Variants in CPT1C observed in about 807,000 individuals in gnomAD.
CPT1C encodes palmitoyl thioesterase CPT1C.
A neutral mutation model predicts 97.3 loss-of-function variants in CPT1C; 61 were observed. The ratio of observed to expected loss-of-function variants is 0.63; its 90% CI spans 0.51 to 0.78. The LOEUF (loss-of-function observed/expected upper bound fraction) is 0.78. CPT1C is among the 30% of genes least tolerant of loss of function. CPT1C has a pLI of 0.00. For missense variants in CPT1C, 975 were observed against 1,065.5 expected (o/e 0.92, Z 1.18); for synonymous variants, 469 against 447.2 (o/e 1.05, Z -0.61).
intron 4 of CPT1C, 106 bp from the exon 5 acceptor site, chr19:49,700,578 T>G: frequency 7.8e-7 from 1 of 1,283,922 alleles, no homozygotes; most frequent in Non-Finnish European, 1.1e-6. Flanking sequence ...AATGGGTTTC[T>G]CTGTCTGACA....
Position 49,712,984 on chromosome 19 carries a change from G to A in CPT1C, c.2146G>A (p.Gly716Ser). ...GGGFGPADDH[G>S]YGVSYIFMGD... is the part of the protein sequence containing the mutation. ...TTTCCGTCTCCAGGCTGATGACCATGGTTATGGTGTTTCTTATATCTTCAT... is the reference window on the plus strand; with the variant it reads ...TTTCCGTCTCCAGGCTGATGACCATAGTTATGGTGTTTCTTATATCTTCAT... Residue 716 changes from glycine to serine, a missense_variant, in exon 19 of 20, where the codon GGT becomes AGT. Gly to Ser is a moderately conservative substitution (Grantham distance 56). Coordinates refer to ENST00000598293, the MANE Select transcript of CPT1C (RefSeq NM_001199753.2). The A allele has an allele frequency of 6.2e-7, 1 of 1,613,760 alleles. No individual in the cohort carries two copies. The highest frequency in any genetic ancestry group is 8.5e-7 in the Non-Finnish European group (1 of 1,179,724).
At chr19:49,695,215 G>C (rs976577109) in intron 3 of CPT1C, among the ~76,000 whole-genome samples, 8 of 150,814 alleles carry the variant, frequency 5.3e-5, no homozygotes, top group South Asian at 2.1e-4. Context: ...CATATTTATA[G>C]ACCTATAAAT....
chr19:49,710,995 C>T (rs2083838728), intron 16 of CPT1C, 138 bp downstream of exon 16: 1 of 818,394 alleles, frequency 1.2e-6, no homozygotes, highest in African/African-American at 1.7e-5. Flanking sequence ...TGGCCTCTGA[C>T]TTCAAAGAGC....
Position 49,706,127 on chromosome 19 carries a change from C to A in CPT1C, c.1160+23C>A. On this transcript the variant is annotated intron_variant, in intron 11 of 19. Transcript: ENST00000598293. The surrounding 1 kb of genome is among the most constrained non-coding windows in gnomAD (Gnocchi z 4.8). ...CAGGTAAGGGTCAGGGGTCAGGGGTCAGGGGCTCTCAGAGGCCGCCAGTGT... is the reference window on the plus strand; with the variant it reads ...CAGGTAAGGGTCAGGGGTCAGGGGTAAGGGGCTCTCAGAGGCCGCCAGTGT... 3.1e-6 allele frequency: 5 copies of A among 1,597,074 alleles called. No homozygotes were observed. Among genetic ancestry groups the A allele is most frequent in the Non-Finnish European group, 3.4e-6 (4 of 1,170,250 alleles).
chr19:49,693,170 G>T (rs576932355), intron 3 of CPT1C, among the ~76,000 whole-genome samples: 1 of 152,104 alleles, frequency 6.6e-6, no homozygotes, highest in African/African-American at 2.4e-5. Flanking sequence ...GAGCCACCGC[G>T]CCCGGCCCAA....
chr19:49,707,393 C>A, intron 12 of CPT1C, 125 bp from the exon 13 acceptor site: 1 of 700,926 alleles, frequency 1.4e-6, no homozygotes, highest in Non-Finnish European at 2.5e-6. Context: ...TAGAGATCCC[C>A]ATACCAGCAC....
chr19:49,703,595 C>CCCTTCCTTCCTT (rs1217261016), intron 7 of CPT1C, among the ~76,000 whole-genome samples: 36 of 75,818 alleles, frequency 4.7e-4, no homozygotes, highest in Admixed American at 2.9e-3. Flanking sequence ...CTCCCTCCCT[C>CCCTTCCTTCCTT]CCTTCCTTCC....
Position 49,702,085 on chromosome 19 carries a change from A to T in CPT1C, c.693+451A>T, listed in dbSNP as rs867261006. 3.4e-4 allele frequency among the ~76,000 whole-genome samples: 33 copies of T among 97,988 alleles called. 1 individual carries two copies. The highest frequency in any genetic ancestry group is 5.6e-4 in the Non-Finnish European group (33 of 58,944). 64.3% of individuals were successfully genotyped at this position (97,988 alleles called of 152,430 possible). On this transcript the variant is annotated intron_variant, in intron 7 of 19. Transcript: ENST00000598293. The stretch of plus-strand genomic sequence containing the variant: ...ATATTTATTTATAAATTATAAATAT[A>T]TATTTATTTATAAATTATAAATATA...
intron 17 of CPT1C, 189 bp from the exon 18 acceptor site, chr19:49,712,547 T>G (rs2123521400): frequency 1.9e-6 from 1 of 527,538 alleles, no homozygotes; most frequent in Non-Finnish European, 3.2e-6. Context: ...GAGAGGGACG[T>G]GGGTGTGGGT....
intron 5 of CPT1C, 37 bp downstream of exon 5, chr19:49,700,892 G>A (rs1411218653): frequency 6.3e-7 from 1 of 1,588,598 alleles, no homozygotes; most frequent in Admixed American, 1.7e-5. Flanking sequence ...GGCTCTCCTG[G>A]GACCCGCTTA....
rs774808951 is a variant in CPT1C, at chr19:49,692,363, C to A, written c.111C>A (p.Arg37=). ...AGGAGATCTACCTCTCTGGCCTGCG[C>A]TCCTGGAAAAGGCATCTCTCACGTT... ...VLQEIYLSGL[R]SWKRHLSRFW... The change falls in exon 3 of 20, where the codon CGC becomes CGA. Residue 37 remains arginine, a synonymous_variant. Coordinates refer to ENST00000598293, the MANE Select transcript of CPT1C (RefSeq NM_001199753.2). The A allele has an allele frequency of 1.2e-6, 2 of 1,614,024 alleles. No homozygotes were observed. Among genetic ancestry groups the A allele is most frequent in the East Asian group, 2.2e-5 (1 of 44,892 alleles).
chr19:49,709,686 C>G (rs1280804332), intron 14 of CPT1C, among the ~76,000 whole-genome samples: 2 of 151,660 alleles, frequency 1.3e-5, no homozygotes, highest in Non-Finnish European at 2.9e-5. Context: ...TCCTGAGGAG[C>G]TGGGATTACA....
intron 16 of CPT1C, 168 bp from the exon 17 acceptor site, chr19:49,711,641 C>T: frequency 2.8e-6 from 2 of 726,832 alleles, no homozygotes; most frequent in Non-Finnish European, 4.4e-6. Flanking sequence ...GTGAACCTGG[C>T]CAAATGATTT....
At chr19:49,712,108 C>T (rs909511834) in intron 17 of CPT1C, 147 bp downstream of exon 17, 18 of 968,514 alleles carry the variant, frequency 1.9e-5, no homozygotes, top group Middle Eastern at 2.5e-4. Context: ...TTTGGGAAGC[C>T]GAGGCAGGCG....
intron 19 of CPT1C, 79 bp downstream of exon 19, chr19:49,713,143 A>C: frequency 7.7e-7 from 1 of 1,290,746 alleles, no homozygotes; most frequent in Non-Finnish European, 1.1e-6. Context: ...CTCCTCCCTC[A>C]GACCCAGGAT....
chr19:49,699,645 C>T (rs1448933132), intron 4 of CPT1C, among the ~76,000 whole-genome samples: 1 of 151,948 alleles, frequency 6.6e-6, no homozygotes, highest in African/African-American at 2.4e-5. Flanking sequence ...TTGGAATCAC[C>T]TGGATGGGTT....
At chr19:49,702,894 A>T (rs2083263443) in intron 7 of CPT1C, among the ~76,000 whole-genome samples, 1 of 151,998 alleles carries the variant, frequency 6.6e-6, no homozygotes, top group Non-Finnish European at 1.5e-5. Context: ...CTGCAGCAAG[A>T]GTGAGAGGGG....
At chr19:49,707,426 C>G in intron 12 of CPT1C, 92 bp from the exon 13 acceptor site, 6 of 859,082 alleles carry the variant, frequency 7.0e-6, no homozygotes, top group Admixed American at 4.4e-5. Flanking sequence ...CCACATCTTC[C>G]CATCTAGAAA....
At chr19:49,697,563 CCT>C in intron 4 of CPT1C, 98 bp downstream of exon 4, 2 of 1,386,962 alleles carry the variant, frequency 1.4e-6, no homozygotes, top group Non-Finnish European at 2.0e-6. Context: ...AGAAAAGTAA[CCT>C]CTGAGACTTA....
Sources: gnomAD v4.1 joint callset for allele counts (sites outside exome capture counted in the v4.1 genomes callset) on GRCh38, gnomAD v4.1.1 for gene constraint, Gnocchi (gnomAD v3.1) non-coding constraint, MANE v1.5 for transcripts, NCBI Gene and HGNC (gene_info 2026-07-23, HGNC 2026-07-21) for gene names.